The following DPH6 variants were observed in gnomAD, a reference collection of about 807,000 sequenced individuals.
The protein encoded by DPH6 is diphthine--ammonia ligase.
In DPH6, 33 loss-of-function variants were observed where a neutral mutation model predicts 38.2. That is an observed-to-expected ratio of 0.86 (90% CI 0.65 to 1.15). The LOEUF (loss-of-function observed/expected upper bound fraction) is 1.15, where lower values mean the gene tolerates loss of function less well. Ranked by LOEUF, DPH6 falls within the 50% of genes most tolerant of loss-of-function variation. DPH6 has a pLI of 0.00. For missense variants in DPH6, 325 were observed against 320.0 expected (o/e 1.02, Z -0.12); for synonymous variants, 108 against 103.0 (o/e 1.05, Z -0.30).
intron 6 of DPH6, chr15:35,401,160 G>C (rs1370100382): frequency 9.1e-7 from 1 of 1,101,264 alleles, no homozygotes; most frequent in East Asian, 2.3e-5. Flanking sequence ...ACCATACTGT[G>C]AATGGCCACA....
chr15:35,158,244 G>C, the DPH6 span, among the ~76,000 whole-genome samples: 59 of 152,118 alleles, frequency 3.9e-4, no homozygotes, highest in African/African-American at 1.3e-3. Context: ...GAGATTAAAA[G>C]GCTACCACTT....
Position 35,373,623 on chromosome 15 carries a change from T to C in DPH6, c.663-15A>G. ...CTGATGAATCCCTGAAATACAAAAA[T>C]TTTACAATACATTTATATGCTACAA... On this transcript the variant is annotated splice_polypyrimidine_tract_variant and intron_variant, in intron 7 of 8. Coordinates refer to ENST00000256538, the MANE Select transcript of DPH6 (RefSeq NM_080650.4). 1 of 1,598,008 alleles carries C rather than the reference T, an allele frequency of 6.3e-7. No homozygotes were observed. The highest frequency in any genetic ancestry group is 1.1e-5 in the South Asian group (1 of 88,648).
At chr15:35,451,763 C>A (rs2053936097) in intron 4 of DPH6, among the ~76,000 whole-genome samples, 1 of 152,180 alleles carries the variant, frequency 6.6e-6, no homozygotes, top group Non-Finnish European at 1.5e-5. Context: ...GTAATGCCAG[C>A]ACTTTGGGAG....
chr15:35,225,474 T>C (rs60584893), intron 3 of DPH6, among the ~76,000 whole-genome samples: 4,099 of 152,332 alleles, frequency 0.027, 180 homozygotes, highest in African/African-American at 0.094. Context: ...TTTTTATACT[T>C]TAAATTTTGT....
chr15:35,538,171 G>T, intron 3 of DPH6, 103 bp downstream of exon 3: 1 of 1,022,352 alleles, frequency 9.8e-7, no homozygotes, highest in Non-Finnish European at 1.3e-6. Context: ...AGAATAGTTG[G>T]GCTACTAACA....
intron 3 of DPH6, among the ~76,000 whole-genome samples, chr15:35,510,401 AT>A (rs1401586729): frequency 6.6e-6 from 1 of 152,180 alleles, no homozygotes; most frequent in Non-Finnish European, 1.5e-5. Context: ...TGTATAGGAA[AT>A]TATGGATTTC....
intron 3 of DPH6, among the ~76,000 whole-genome samples, chr15:35,347,456 C>T (rs2052472679): frequency 1.3e-5 from 2 of 149,364 alleles, no homozygotes. Context: ...CCAGCCTCCT[C>T]CTTTTTTTTT....
chr15:35,534,837 T>C (rs2055144303), intron 3 of DPH6, among the ~76,000 whole-genome samples: 1 of 152,150 alleles, frequency 6.6e-6, no homozygotes, highest in African/African-American at 2.4e-5. Flanking sequence ...CATCAAGTTT[T>C]CTCCCGTCAA....
intron 3 of DPH6, among the ~76,000 whole-genome samples, chr15:35,230,195 G>GT (rs963198135): frequency 2.0e-5 from 3 of 152,194 alleles, no homozygotes; most frequent in African/African-American, 7.2e-5. Context: ...CCCACCTGGT[G>GT]TTCTACTATA....
intron 7 of DPH6, among the ~76,000 whole-genome samples, chr15:35,375,224 A>C (rs11854288): frequency 6.6e-6 from 1 of 151,912 alleles, no homozygotes; most frequent in African/African-American, 2.4e-5. Context: ...AATAGCTTAA[A>C]TGATCTGAAT....
At chr15:35,226,955 G>A (rs1033461796) in intron 3 of DPH6, among the ~76,000 whole-genome samples, 1 of 152,024 alleles carries the variant, frequency 6.6e-6, no homozygotes, top group African/African-American at 2.4e-5. Flanking sequence ...GGTTCTGTCT[G>A]GGCTTTTCTT....
chr15:35,210,217 C>G, the DPH6 span, among the ~76,000 whole-genome samples: 1 of 152,178 alleles, frequency 6.6e-6, no homozygotes, highest in Non-Finnish European at 1.5e-5. Context: ...AATAAGAAAA[C>G]ACTACTCTCT....
chr15:35,316,378 G>GAT (rs768225761), intron 3 of DPH6, among the ~76,000 whole-genome samples: 28 of 152,092 alleles, frequency 1.8e-4, no homozygotes, highest in Admixed American at 3.3e-4. Context: ...AAAAATAGAT[G>GAT]ATAGGATGAA....
At chr15:35,358,962 T>C (rs899577040) in intron 3 of DPH6, among the ~76,000 whole-genome samples, 4 of 152,104 alleles carry the variant, frequency 2.6e-5, no homozygotes, top group African/African-American at 9.7e-5. Context: ...TATATACCCT[T>C]TGTCTTCCGC....
At chr15:35,511,497 T>C (rs1421373405) in intron 3 of DPH6, among the ~76,000 whole-genome samples, 1 of 151,760 alleles carries the variant, frequency 6.6e-6, no homozygotes, top group Non-Finnish European at 1.5e-5. Flanking sequence ...AGGGGGAGAA[T>C]GGAACCATGA....
At chr15:35,454,955 A>T (rs2053978618) in intron 3 of DPH6, 135 bp from the exon 4 acceptor site, 2 of 565,302 alleles carry the variant, frequency 3.5e-6, no homozygotes, top group Non-Finnish European at 6.0e-6. Flanking sequence ...TGAAAATATA[A>T]TCGACATTCA....
intron 3 of DPH6, among the ~76,000 whole-genome samples, chr15:35,516,496 A>G (rs1391117580): frequency 2.6e-5 from 4 of 152,196 alleles, no homozygotes; most frequent in Admixed American, 6.5e-5. Context: ...TAGAGAAGTT[A>G]ACTAAACTAA....
intron 3 of DPH6, among the ~76,000 whole-genome samples, chr15:35,463,121 G>A (rs1172323355): frequency 6.6e-6 from 1 of 151,994 alleles, no homozygotes; most frequent in African/African-American, 2.4e-5. Context: ...GATACTTTTT[G>A]TCAAACAGAT....
chr15:35,501,285 C>A (rs894998720), intron 3 of DPH6, among the ~76,000 whole-genome samples: 4 of 152,074 alleles, frequency 2.6e-5, no homozygotes, highest in African/African-American at 7.2e-5. Flanking sequence ...TTATTAATAT[C>A]TTGTTTCTTT....
Sources: gnomAD v4.1 joint callset for allele counts (sites outside exome capture counted in the v4.1 genomes callset) on GRCh38, gnomAD v4.1.1 for gene constraint, MANE v1.5 for transcripts, NCBI Gene and HGNC (gene_info 2026-07-23, HGNC 2026-07-21) for gene names.